Variants in RASAL1 observed in about 807,000 individuals in gnomAD.
RASAL1 encodes RAS protein activator like 1, also known as rasGAP-activating-like protein 1.
In RASAL1, 72 loss-of-function variants were observed where a neutral mutation model predicts 96.6. The observed-to-expected ratio is 0.75, with a 90% CI of 0.62 to 0.91. The LOEUF (loss-of-function observed/expected upper bound fraction) is 0.91. RASAL1 is among the 40% of genes least tolerant of loss of function. The pLI, the probability that RASAL1 is intolerant of heterozygous loss-of-function variation, is 0.00. For missense variants in RASAL1, 1,016 were observed against 1,072.5 expected, an observed-to-expected ratio of 0.95 and a Z score of 0.74; for synonymous variants, 405 against 430.4, an observed-to-expected ratio of 0.94 and a Z score of 0.73.
rs927576612 is a variant in RASAL1 at position 113,130,356 on chromosome 12, G to A, written c.122+529C>T. On this transcript the variant is annotated intron_variant, in intron 2 of 20. Coordinates refer to ENST00000548055, the MANE Select transcript of RASAL1 (RefSeq NM_001301202.2). The surrounding 1 kb of genome is among the most constrained non-coding windows in gnomAD (Gnocchi z 5.1). The stretch of plus-strand genomic sequence containing the variant: ...GCATGTGCAGGGCAGCCATGTGCAC[G>A]TGCATGTACATGCACCCTACACTGG... Among the ~76,000 whole-genome samples, 3 of 152,164 alleles carry A rather than the reference G, an allele frequency of 2.0e-5. No homozygotes were observed. Among genetic ancestry groups the A allele is most frequent in the Non-Finnish European group, 4.4e-5 (3 of 68,022 alleles).
Position 113,099,815 on chromosome 12 carries a change from C to T in RASAL1, c.*114G>A, listed in dbSNP as rs939941609. ...CAGGACTAGGCACGTCTCTGGGAGC[C>T]TCCAAACCACAGAATCAAAGAGGTC... On this transcript the variant is annotated 3_prime_UTR_variant, in exon 21 of 21. Transcript: ENST00000548055. The T allele has an allele frequency of 4.7e-5, 68 of 1,451,194 alleles. No individual in the cohort carries two copies. Among genetic ancestry groups the T allele is most frequent in the Non-Finnish European group, 8.3e-6 (9 of 1,079,164 alleles). The allele number at this position is 1,451,194 out of a possible 1,614,324, so 89.9% of individuals were successfully genotyped here. A position where few individuals can be genotyped will look rare whatever the true frequency, so the allele number is the denominator to read the frequency against.
chr12:113,134,269 C>G (rs1592974039), intron 1 of RASAL1, among the ~76,000 whole-genome samples: 1 of 152,310 alleles, frequency 6.6e-6, no homozygotes, highest in East Asian at 1.9e-4. Flanking sequence ...ACAGCTGCCC[C>G]CTTGACGCAG....
In RASAL1 at chr12:113,104,314, G is replaced by C. The variant is rs773884149; in HGVS notation, c.1831-16C>G. On this transcript the variant is annotated splice_polypyrimidine_tract_variant and intron_variant, in intron 16 of 20. Transcript: ENST00000548055. ...AGTGACACATCTGGGGAAGAGGATT[G>C]TCGCTGCAGGATGGGCTGGGGGCTA... 6.5e-6 allele frequency: 10 copies of C among 1,548,722 alleles called. No homozygotes were observed. Among genetic ancestry groups the C allele is most frequent in the Non-Finnish European group, 8.7e-6 (10 of 1,144,020 alleles).
chr12:113,103,110 A>T, intron 18 of RASAL1: 1 of 293,408 alleles, frequency 3.4e-6, no homozygotes, highest in Non-Finnish European at 6.9e-6. Flanking sequence ...ATTGTATTAC[A>T]TTGTTATACA....
Position 113,105,196 on chromosome 12 carries a change from C to T in RASAL1, c.1830+518G>A, listed in dbSNP as rs544770156. Among the ~76,000 whole-genome samples, 17 of 152,378 alleles carry T rather than the reference C, an allele frequency of 1.1e-4. 1 individual carries two copies. The highest frequency in any genetic ancestry group is 2.9e-4 in the African/African-American group (12 of 41,582). ...TGTCTCGGGGCATTCTAGTCATGAACGCCAGCCCCACAAGGGCAGGATTTT... is the reference window on the plus strand; with the variant it reads ...TGTCTCGGGGCATTCTAGTCATGAATGCCAGCCCCACAAGGGCAGGATTTT... On this transcript the variant is annotated intron_variant, in intron 16 of 20. Coordinates refer to ENST00000548055, the MANE Select transcript of RASAL1 (RefSeq NM_001301202.2).
upstream of RASAL1, chr12:113,135,814 A>C: frequency 1.9e-5 from 4 of 211,144 alleles, no homozygotes; most frequent in African/African-American, 2.3e-5. This position sits in a 1 kb window ranked among gnomAD's most constrained non-coding sequence, Gnocchi z 5.7. Flanking sequence ...CCCGCCTCCA[A>C]TGGGGTCCCC....
chr12:113,126,082 C>T (rs1442249969), intron 4 of RASAL1, among the ~76,000 whole-genome samples: 4 of 151,920 alleles, frequency 2.6e-5, no homozygotes, highest in East Asian at 1.9e-4. Context: ...GTCAAGAGTT[C>T]GAGACCAGCC....
rs763677666 is a variant in RASAL1 at position 113,130,430 on chromosome 12, G to A, written c.122+455C>T. Among the ~76,000 whole-genome samples, 27 of 152,186 alleles carry A rather than the reference G, an allele frequency of 1.8e-4. No individual in the cohort carries two copies. Among genetic ancestry groups the A allele is most frequent in the South Asian group, 2.1e-4 (1 of 4,832 alleles). The stretch of plus-strand genomic sequence containing the variant: ...TGCACAGCCACGAGGACATACACAC[G>A]TGGTCACAGGCACTCACACTAGCCC... On this transcript the variant is annotated intron_variant, in intron 2 of 20. Coordinates refer to ENST00000548055, the MANE Select transcript of RASAL1 (RefSeq NM_001301202.2). This position sits in a 1 kb window ranked among gnomAD's most constrained non-coding sequence, Gnocchi z 5.1.
At chr12:113,132,609 G>C (rs1273718848) in intron 1 of RASAL1, among the ~76,000 whole-genome samples, 1 of 152,162 alleles carries the variant, frequency 6.6e-6, no homozygotes, top group Non-Finnish European at 1.5e-5. Context: ...TCTCCAGTTT[G>C]TATAGATCCA....
intron 16 of RASAL1, among the ~76,000 whole-genome samples, chr12:113,105,397 G>C (rs1310190391): frequency 1.3e-5 from 2 of 152,270 alleles, no homozygotes; most frequent in Non-Finnish European, 2.9e-5. Context: ...TCTAGCATGT[G>C]TCTAGATCCT....
intron 4 of RASAL1, 27 bp downstream of exon 4, chr12:113,127,785 C>T: frequency 6.3e-7 from 1 of 1,594,834 alleles, no homozygotes; most frequent in South Asian, 1.1e-5. Context: ...TGGCCCCCTC[C>T]TCCCTCTGCC....
At chr12:113,121,771 G>C in intron 4 of RASAL1, 133 bp from the exon 5 acceptor site, 2 of 1,055,982 alleles carry the variant, frequency 1.9e-6, no homozygotes, top group Non-Finnish European at 2.7e-6. Context: ...GCCCAGGCTG[G>C]AGTGCAGTGG....
Position 113,115,134 on chromosome 12 carries a change from G to C in RASAL1, c.1068+66C>G. On this transcript the variant is annotated intron_variant, in intron 11 of 20. Coordinates refer to ENST00000548055, the MANE Select transcript of RASAL1 (RefSeq NM_001301202.2). This position sits in a 1 kb window ranked among gnomAD's most constrained non-coding sequence, Gnocchi z 4.1. Reference sequence around the variant, plus strand: ...TGAAGCCAGCTAAGTGAGGGAGCCAGGTAGGCACTGGGAAGGAGGTACCCG... The same window carrying C: ...TGAAGCCAGCTAAGTGAGGGAGCCACGTAGGCACTGGGAAGGAGGTACCCG... The C allele has an allele frequency of 6.8e-7, 1 of 1,477,968 alleles. No homozygotes were observed. The highest frequency in any genetic ancestry group is 1.1e-5 in the South Asian group (1 of 87,942). 91.6% of individuals were successfully genotyped at this position (1,477,968 alleles called of 1,614,324 possible).
At chr12:113,111,609 T>G (rs1950867140) in intron 13 of RASAL1, among the ~76,000 whole-genome samples, 1 of 152,226 alleles carries the variant, frequency 6.6e-6, no homozygotes, top group Non-Finnish European at 1.5e-5. Context: ...ATTTGTTTAT[T>G]TTGAGACAGA....
chr12:113,134,800 C>A (rs1306531321), intron 1 of RASAL1, among the ~76,000 whole-genome samples: 1 of 152,158 alleles, frequency 6.6e-6, no homozygotes, highest in East Asian at 1.9e-4. Flanking sequence ...GGAATTGGCT[C>A]TTCAAGCAGC....
At chr12:113,125,535 G>A (rs1354649283) in intron 4 of RASAL1, among the ~76,000 whole-genome samples, 1 of 152,194 alleles carries the variant, frequency 6.6e-6, no homozygotes, top group Non-Finnish European at 1.5e-5. Context: ...ATAAACCTAT[G>A]CTGAGGCAAT....
At chr12:113,117,722 T>A (rs1462778747) in intron 7 of RASAL1, among the ~76,000 whole-genome samples, 2 of 152,176 alleles carry the variant, frequency 1.3e-5, no homozygotes, top group East Asian at 3.8e-4. Context: ...TACCAGTCAC[T>A]TCGTGCCCCC....
chr12:113,107,483 C>A, intron 14 of RASAL1: 2 of 602,924 alleles, frequency 3.3e-6, no homozygotes, highest in South Asian at 1.5e-5. Context: ...ATTAGCTGGT[C>A]GTGGTGGCTC....
chr12:113,112,105 A>G lies in RASAL1; in HGVS notation c.1355T>C (p.Phe452Ser), dbSNP rs1430293401. 2.0e-5 allele frequency: 25 copies of G among 1,243,536 alleles called. No individual in the cohort carries two copies. Among genetic ancestry groups the G allele is most frequent in the Non-Finnish European group, 2.5e-5 (25 of 989,736 alleles). 77.0% of individuals were successfully genotyped at this position (1,243,536 alleles called of 1,614,324 possible). A position where few individuals can be genotyped will look rare whatever the true frequency, so the allele number is the denominator to read the frequency against. The stretch of plus-strand genomic sequence containing the variant: ...GCGCACCTGGTGCTCGGCCTGGGGG[A>G]AGCGCTCCTCCACTCGCCGGTGCAG... Reference protein sequence around the residue: ...KQLHRRVEERFPQAEHQDVKY... With the variant: ...KQLHRRVEERSPQAEHQDVKY... The change falls in exon 13 of 21, where the codon TTC becomes TCC. Residue 452 changes from phenylalanine (F) to serine (S), a missense_variant. Coordinates refer to ENST00000548055, the MANE Select transcript of RASAL1 (RefSeq NM_001301202.2).
Sources: gnomAD v4.1 joint callset for allele counts (sites outside exome capture counted in the v4.1 genomes callset) on GRCh38, gnomAD v4.1.1 for gene constraint, Gnocchi (gnomAD v3.1) non-coding constraint, MANE v1.5 for transcripts, NCBI Gene and HGNC (gene_info 2026-07-23, HGNC 2026-07-21) for gene names.